The following RASL12 variants were observed in gnomAD, a reference collection of about 807,000 sequenced individuals.
The protein encoded by RASL12 is ras-like protein family member 12.
Under a neutral mutation model 22.9 loss-of-function variants are expected in RASL12, and 16 were observed. The ratio of observed to expected loss-of-function variants is 0.70; its 90% CI spans 0.47 to 1.06. The LOEUF (loss-of-function observed/expected upper bound fraction) is 1.06. Ranked by LOEUF, RASL12 falls within the 50% of genes least tolerant of loss-of-function variation. The pLI, the probability that RASL12 is intolerant of heterozygous loss-of-function variation, is 0.00. For missense variants in RASL12, 306 were observed against 353.1 expected (o/e 0.87, Z 1.07); for synonymous variants, 159 against 152.2 (o/e 1.04, Z -0.33).
chr15:65,046,211 G>A, the RASL12 span, among the ~76,000 whole-genome samples: 1 of 152,232 alleles, frequency 6.6e-6, no homozygotes, highest in African/African-American at 2.4e-5. Flanking sequence ...TGAGGCAGGA[G>A]GATCACTTGA....
At chr15:65,049,828 T>C, downstream of RASL12, 1 of 485,734 alleles carries the variant, frequency 2.1e-6, no homozygotes, top group Non-Finnish European at 3.7e-6. Context: ...AGAGGAGATC[T>C]GGATTTGGGC....
At chr15:65,060,805 G>A (rs2086793904) in intron 2 of RASL12, among the ~76,000 whole-genome samples, 1 of 152,158 alleles carries the variant, frequency 6.6e-6, no homozygotes, top group South Asian at 2.1e-4. Context: ...TCTTTCTGAG[G>A]GCCACTGGCA....
intron 1 of RASL12, among the ~76,000 whole-genome samples, chr15:65,074,443 G>A (rs113379591): frequency 1.5e-4 from 23 of 151,822 alleles, no homozygotes; most frequent in Non-Finnish European, 3.1e-4. Context: ...GCCTAGGCTG[G>A]AGTGCAATGG....
downstream of RASL12, chr15:65,051,647 G>A (rs1474663386): frequency 2.5e-6 from 4 of 1,572,202 alleles, no homozygotes; most frequent in Admixed American, 1.7e-5. Flanking sequence ...TCTCTGTGGG[G>A]TAGAGGCCCT....
At chr15:65,052,902 G>T, downstream of RASL12, 1 of 1,513,354 alleles carries the variant, frequency 6.6e-7, no homozygotes, top group Non-Finnish European at 9.0e-7. Context: ...TAAGCCATTT[G>T]GGCGACCCAG....
At chr15:65,074,398 A>AT (rs1595911319) in intron 1 of RASL12, among the ~76,000 whole-genome samples, 2 of 129,486 alleles carry the variant, frequency 1.5e-5, no homozygotes, top group South Asian at 4.8e-4. Flanking sequence ...TTTTTTAATT[A>AT]ATTTTTTTTT....
rs371636145 is a variant in RASL12, at chr15:65,058,687, C to T, written c.235-70G>A. ...GGGTAAAGGCCTTCACCTGAGCCGC[C>T]CAATCCCACCTCCCCACTCCCCGGT... On this transcript the variant is annotated intron_variant, in intron 3 of 4. Coordinates refer to ENST00000220062, the MANE Select transcript of RASL12 (RefSeq NM_016563.4). 3.5e-6 allele frequency: 4 copies of T among 1,142,954 alleles called. No individual in the cohort carries two copies. In the Admixed American group the frequency reaches 8.9e-5, roughly 26 times the overall value. 70.8% of individuals were successfully genotyped at this position (1,142,954 alleles called of 1,614,324 possible). A position where few individuals can be genotyped will look rare whatever the true frequency, so the allele number is the denominator to read the frequency against.
chr15:65,045,791 T>C, the RASL12 span, among the ~76,000 whole-genome samples: 1 of 152,206 alleles, frequency 6.6e-6, no homozygotes, highest in Non-Finnish European at 1.5e-5. Flanking sequence ...AAAATGCAAA[T>C]AAGGCATAAA....
intron 1 of RASL12, among the ~76,000 whole-genome samples, chr15:65,066,770 G>A (rs2086883833): frequency 6.6e-6 from 1 of 152,068 alleles, no homozygotes; most frequent in South Asian, 2.1e-4. Flanking sequence ...TGGGGGTGGG[G>A]CTGGCTTCAA....
At chr15:65,075,259 C>T (rs1284608646) in intron 1 of RASL12, among the ~76,000 whole-genome samples, 3 of 152,226 alleles carry the variant, frequency 2.0e-5, no homozygotes, top group Non-Finnish European at 4.4e-5. Context: ...GCTGCCTTCC[C>T]GCAGGGCAGG....
intron 2 of RASL12, among the ~76,000 whole-genome samples, chr15:65,064,266 A>G (rs2086850054): frequency 6.6e-6 from 1 of 152,142 alleles, no homozygotes; most frequent in African/African-American, 2.4e-5. Flanking sequence ...TACATGTGCT[A>G]TTTCTTTAAT....
At chr15:65,050,136 T>A (rs559564091), downstream of RASL12, 2 of 1,516,738 alleles carry the variant, frequency 1.3e-6, no homozygotes, top group African/African-American at 2.8e-5. Context: ...GGGGTGGGGG[T>A]GTGCCCCTCA....
At chr15:65,050,619 T>C (rs1344565309), downstream of RASL12, among the ~76,000 whole-genome samples, 6 of 151,986 alleles carry the variant, frequency 3.9e-5, no homozygotes, top group Non-Finnish European at 1.5e-5. Flanking sequence ...AATAATTAGG[T>C]ATGCAAATTA....
intron 1 of RASL12, among the ~76,000 whole-genome samples, chr15:65,074,327 C>G (rs182742865): frequency 2.0e-5 from 3 of 152,170 alleles, no homozygotes; most frequent in Admixed American, 6.5e-5. Flanking sequence ...CAGCCTCAAC[C>G]GGGATATTTC....
chr15:65,065,157 C>T (rs537995991), intron 2 of RASL12, 60 bp downstream of exon 2: 17 of 1,549,318 alleles, frequency 1.1e-5, no homozygotes, highest in African/African-American at 1.4e-5. Context: ...CGGGGTGGGT[C>T]CCAGGAGAGC....
upstream of RASL12, among the ~76,000 whole-genome samples, chr15:65,071,780 C>T (rs911477549): frequency 6.5e-4 from 99 of 152,104 alleles, no homozygotes; most frequent in Middle Eastern, 3.4e-3. Context: ...AACTGTAGTC[C>T]CGGGACTATG....
Position 65,067,766 on chromosome 15 carries a change from C to G in RASL12, c.70G>C (p.Ala24Pro), listed in dbSNP as rs1354351038. Residue 24 changes from alanine (A) to proline (P), a missense_variant, in exon 1 of 5, where the codon GCC becomes CCC. Coordinates refer to ENST00000220062, the MANE Select transcript of RASL12 (RefSeq NM_016563.4). ...PQSAPLEVNLAILGRRGAGKS... is the reference protein window; with the variant it reads ...PQSAPLEVNLPILGRRGAGKS... ...CCAGCCCCGCGGCGCCCCAGGATGGCCAGGTTGACCTCGAGGGGCGCGCTC... is the reference window on the plus strand; with the variant it reads ...CCAGCCCCGCGGCGCCCCAGGATGGGCAGGTTGACCTCGAGGGGCGCGCTC... The G allele has an allele frequency of 6.3e-7, 1 of 1,580,064 alleles. No homozygotes were observed. The highest frequency in any genetic ancestry group is 1.4e-5 in the African/African-American group (1 of 72,602).
At chr15:65,071,076 C>T (rs950623426), upstream of RASL12, among the ~76,000 whole-genome samples, 2 of 152,186 alleles carry the variant, frequency 1.3e-5, no homozygotes, top group African/African-American at 2.4e-5. Flanking sequence ...TCCCATCAGA[C>T]TTCAGAGAGT....
Position 65,053,422 on chromosome 15 carries a change from C to A in RASL12, c.*1477G>T, listed in dbSNP as rs1459617090. ...ATAGTTTGTTCAGATGGCAGTGGTA[C>A]ACACACACATACACACACAAGTGGC... is the stretch of plus-strand genomic sequence containing the variant. On this transcript the variant is annotated 3_prime_UTR_variant, in exon 5 of 5. Transcript: ENST00000220062. 1 of 1,286,328 alleles carries A rather than the reference C, an allele frequency of 7.8e-7. No homozygotes were observed. Among genetic ancestry groups the A allele is most frequent in the East Asian group, 3.7e-5 (1 of 27,056 alleles). The allele number at this position is 1,286,328 out of a possible 1,614,324, so 79.7% of individuals were successfully genotyped here.
Sources: gnomAD v4.1 joint callset for allele counts (sites outside exome capture counted in the v4.1 genomes callset) on GRCh38, gnomAD v4.1.1 for gene constraint, MANE v1.5 for transcripts, NCBI Gene and HGNC (gene_info 2026-07-23, HGNC 2026-07-21) for gene names.